Variants in GMDS observed in about 807,000 individuals in gnomAD.
GMDS encodes the protein GDP-mannose 4,6 dehydratase.
Under a neutral mutation model 49.9 loss-of-function variants are expected in GMDS, and 20 were observed. That is an observed-to-expected ratio of 0.40 (90% CI 0.28 to 0.58). GMDS has a LOEUF of 0.58. Ranked by LOEUF, GMDS falls within the 20% of genes least tolerant of loss-of-function variation. The pLI is 0.42. For synonymous variants in GMDS, 177 were observed against 178.6 expected (o/e 0.99, Z 0.07); for missense variants, 362 against 481.4 (o/e 0.75, Z 2.32).
In GMDS at chr6:1,624,191, A is replaced by C; in HGVS notation, c.1097T>G (p.Met366Arg). 1 of 1,610,596 alleles carries C rather than the reference A, an allele frequency of 6.2e-7. No individual in the cohort carries two copies. The highest frequency in any genetic ancestry group is 2.2e-5 in the East Asian group (1 of 44,862). The part of the protein sequence containing the change: ...REMVHADVEL[M>R]RTNPNA ...TGCTCAGGCATTGGGGTTTGTCCTC[A>C]TGAGCTCCACGTCGGCGTGCACCAT... Residue 366 changes from methionine to arginine, a missense_variant, in exon 11 of 11, where the codon ATG (methionine) becomes AGG (arginine). Coordinates refer to ENST00000380815, the MANE Select transcript of GMDS (RefSeq NM_001500.4).
intron 4 of GMDS, among the ~76,000 whole-genome samples, chr6:2,035,914 T>C (rs191902886): frequency 5.3e-5 from 8 of 152,260 alleles, no homozygotes; most frequent in African/African-American, 1.2e-4. Context: ...CTTGAACTAC[T>C]GACCTCAAGT....
Position 1,754,717 on chromosome 6 carries a change from G to A in GMDS, c.772-12131C>T, listed in dbSNP as rs531906509. On this transcript the variant is annotated intron_variant, in intron 7 of 10. Transcript: ENST00000380815. ...GCTTCATCCCTGGGATGCAAGGCTGGTTCAACATACACAAATCAATAAATA... is the reference window on the plus strand; with the variant it reads ...GCTTCATCCCTGGGATGCAAGGCTGATTCAACATACACAAATCAATAAATA... Among the ~76,000 whole-genome samples, 5 of 152,268 alleles carry A rather than the reference G, an allele frequency of 3.3e-5. No individual in the cohort carries two copies. In the East Asian group the frequency reaches 9.6e-4, roughly 29 times the overall value.
At chr6:2,193,639 A>G (rs1309524806) in intron 1 of GMDS, among the ~76,000 whole-genome samples, 1 of 151,864 alleles carries the variant, frequency 6.6e-6, no homozygotes, top group African/African-American at 2.4e-5. Flanking sequence ...CACAAATTTC[A>G]TTTTAGGATT....
intron 1 of GMDS, among the ~76,000 whole-genome samples, chr6:2,224,281 A>G (rs1348232874): frequency 6.6e-6 from 1 of 152,210 alleles, no homozygotes; most frequent in East Asian, 1.9e-4. Flanking sequence ...GTGGAACCCT[A>G]GAAATTATCC....
At chr6:1,791,933 A>G (rs1769559486) in intron 7 of GMDS, among the ~76,000 whole-genome samples, 2 of 152,022 alleles carry the variant, frequency 1.3e-5, no homozygotes, top group South Asian at 2.1e-4. Flanking sequence ...ACCTTGCCAG[A>G]CTCTTCAGAG....
chr6:2,222,836 A>T (rs892278790), intron 1 of GMDS, among the ~76,000 whole-genome samples: 1 of 152,104 alleles, frequency 6.6e-6, no homozygotes, highest in African/African-American at 2.4e-5. Context: ...TTGGTCAAAC[A>T]CCTGCCTAGA....
chr6:1,934,997 A>C (rs1342801599), intron 6 of GMDS, among the ~76,000 whole-genome samples: 1 of 152,198 alleles, frequency 6.6e-6, no homozygotes, highest in Non-Finnish European at 1.5e-5. Flanking sequence ...TGCAGGAGGA[A>C]TCTCTTCTGC....
At chr6:1,767,657 TCTC>T (rs1768410879) in intron 7 of GMDS, among the ~76,000 whole-genome samples, 1 of 152,196 alleles carries the variant, frequency 6.6e-6, no homozygotes, top group Admixed American at 6.5e-5. Context: ...GGAGCGAGTT[TCTC>T]TGCAAATTCT....
chr6:1,660,250 G>A (rs962799494), intron 9 of GMDS, among the ~76,000 whole-genome samples: 12 of 152,128 alleles, frequency 7.9e-5, no homozygotes, highest in Non-Finnish European at 1.6e-4. Flanking sequence ...TACATTTCAA[G>A]CAAGGGGTCC....
At position 1,659,411 on chromosome 6, in the gene GMDS, G is replaced by A. The variant is rs527829660; in HGVS notation, c.988-34871C>T. 3.2e-4 allele frequency among the ~76,000 whole-genome samples: 49 copies of A among 152,222 alleles called. 1 individual carries two copies. The highest frequency in any genetic ancestry group is 1.0e-3 in the African/African-American group (43 of 41,538). ...AAGCAGGTCTCTTGGGACTATGGCT[G>A]TCTCGGGAGGGGCCTGTCTCACATG... On this transcript the variant is annotated intron_variant, in intron 9 of 10. Coordinates refer to ENST00000380815, the MANE Select transcript of GMDS (RefSeq NM_001500.4).
At chr6:2,099,115 CT>C (rs557479514) in intron 4 of GMDS, among the ~76,000 whole-genome samples, 220 of 152,224 alleles carry the variant, frequency 1.4e-3, no homozygotes, top group African/African-American at 5.2e-3. Flanking sequence ...CGTTTAACCA[CT>C]ATTTTTACAT....
At chr6:2,124,094 A>C (rs1013845050) in intron 2 of GMDS, among the ~76,000 whole-genome samples, 1 of 151,982 alleles carries the variant, frequency 6.6e-6, no homozygotes, top group African/African-American at 2.4e-5. Flanking sequence ...TATCTGAAAA[A>C]CGTTCTTTAA....
chr6:2,154,040 A>T (rs1776980184), intron 1 of GMDS, among the ~76,000 whole-genome samples: 1 of 152,176 alleles, frequency 6.6e-6, no homozygotes, highest in Admixed American at 6.5e-5. Flanking sequence ...ACTTTCATTA[A>T]AAAGAAAAGT....
intron 4 of GMDS, among the ~76,000 whole-genome samples, chr6:2,101,329 A>G (rs1773914000): frequency 6.6e-6 from 1 of 151,970 alleles, no homozygotes; most frequent in Non-Finnish European, 1.5e-5. Flanking sequence ...AACAAAAAAA[A>G]GAGAGAAAAT....
At chr6:2,145,081 G>A (rs933670834) in intron 1 of GMDS, among the ~76,000 whole-genome samples, 3 of 152,186 alleles carry the variant, frequency 2.0e-5, no homozygotes, top group Non-Finnish European at 4.4e-5. Context: ...GGATGGAGAC[G>A]CAGGCCTGGG....
At chr6:1,819,773 A>AT (rs1561825329) in intron 7 of GMDS, among the ~76,000 whole-genome samples, 159 of 129,714 alleles carry the variant, frequency 1.2e-3, no homozygotes, top group Middle Eastern at 3.8e-3. Context: ...AAAAAAAAAA[A>AT]AAAATATATA....
At chr6:2,000,344 T>C (rs185326585) in intron 4 of GMDS, among the ~76,000 whole-genome samples, 1 of 151,718 alleles carries the variant, frequency 6.6e-6, no homozygotes, top group Non-Finnish European at 1.5e-5. Flanking sequence ...CAGTATTTAC[T>C]ATATTAACTG....
At chr6:2,170,250 C>G (rs964498534) in intron 1 of GMDS, among the ~76,000 whole-genome samples, 2 of 151,814 alleles carry the variant, frequency 1.3e-5, no homozygotes, top group Non-Finnish European at 2.9e-5. Context: ...TCGACTTTCT[C>G]CATGCAATTT....
chr6:2,167,488 T>C (rs575920583), intron 1 of GMDS, among the ~76,000 whole-genome samples: 2 of 152,294 alleles, frequency 1.3e-5, no homozygotes, highest in South Asian at 4.1e-4. Flanking sequence ...ATCTAAAAGC[T>C]AGCAGAATGA....
Sources: gnomAD v4.1 joint callset for allele counts (sites outside exome capture counted in the v4.1 genomes callset) on GRCh38, gnomAD v4.1.1 for gene constraint, MANE v1.5 for transcripts, NCBI Gene and HGNC (gene_info 2026-07-23, HGNC 2026-07-21) for gene names.